Variants in GNA11 observed in about 807,000 individuals in gnomAD.
The protein encoded by GNA11 is G protein subunit alpha 11, also known as guanine nucleotide-binding protein subunit alpha-11.
Under a neutral mutation model 38.2 loss-of-function variants are expected in GNA11, and 8 were observed. That is an observed-to-expected ratio of 0.21 (90% confidence interval 0.12 to 0.38). The LOEUF (loss-of-function observed/expected upper bound fraction) is 0.38, where lower values mean the gene tolerates loss of function less well. Among genes scored for constraint, GNA11 ranks in the 10% least tolerant of loss-of-function variants. The pLI is 1.00. For missense variants in GNA11, 268 were observed against 516.3 expected (o/e 0.52, Z 4.66); for synonymous variants, 211 against 221.4 (o/e 0.95, Z 0.42).
At chr19:3,106,905 G>A (rs545741942) in intron 1 of GNA11, among the ~76,000 whole-genome samples, 108 of 152,362 alleles carry the variant, frequency 7.1e-4, no homozygotes, top group African/African-American at 2.5e-3. Context: ...GGTCCTTGGC[G>A]AGCCAGGGCT....
intron 2 of GNA11, among the ~76,000 whole-genome samples, chr19:3,111,065 A>G (rs993096050): frequency 6.6e-6 from 1 of 150,796 alleles, no homozygotes; most frequent in African/African-American, 2.4e-5. Context: ...AAGTGCTGGG[A>G]TTACAGGTAT....
chr19:3,100,709 G>A (rs1350778098), intron 1 of GNA11, among the ~76,000 whole-genome samples: 2 of 152,148 alleles, frequency 1.3e-5, no homozygotes, highest in African/African-American at 4.8e-5. Flanking sequence ...GGCTGCCCTG[G>A]GCTGGCCAGC....
At chr19:3,114,014 C>T (rs900038701) in intron 3 of GNA11, among the ~76,000 whole-genome samples, 45 of 152,250 alleles carry the variant, frequency 3.0e-4, no homozygotes, top group Admixed American at 2.0e-3. Flanking sequence ...CAGGTGGAGG[C>T]CCCCGCGTGG....
At chr19:3,115,847 A>G (rs1599305597) in intron 4 of GNA11, among the ~76,000 whole-genome samples, 1 of 19,200 alleles carries the variant, frequency 5.2e-5, no homozygotes, top group Non-Finnish European at 9.7e-5. Context: ...CTGAGTGGGG[A>G]GGAGGGGTCA....
rs1057326430 is a variant in GNA11, at chr19:3,118,830, T to C, written c.606-94T>C. The C allele has an allele frequency of 2.7e-6, 3 of 1,117,130 alleles. No homozygotes were observed. The African/African-American group carries it at 4.6e-5, about 17-fold the overall frequency. 69.2% of individuals were successfully genotyped at this position (1,117,130 alleles called of 1,614,324 possible). A position where few individuals can be genotyped will look rare whatever the true frequency, so the allele number is the denominator to read the frequency against. ...CCTGCTCCAGCCGATGTCAGTCTGG[T>C]GTGGCAGGAGGGGCTTGGGTGGGAG... On this transcript the variant is annotated intron_variant, in intron 4 of 6. Transcript: ENST00000078429.
chr19:3,106,212 GT>G (rs1345916427), intron 1 of GNA11, among the ~76,000 whole-genome samples: 1 of 152,164 alleles, frequency 6.6e-6, no homozygotes, highest in Non-Finnish European at 1.5e-5. Flanking sequence ...GGCCCTGGAT[GT>G]TGAGCCCCAG....
chr19:3,099,943 CA>C (rs1356993983), intron 1 of GNA11, among the ~76,000 whole-genome samples: 3 of 152,110 alleles, frequency 2.0e-5, no homozygotes, highest in Non-Finnish European at 4.4e-5. Flanking sequence ...TCAGTTTCCT[CA>C]GGGGGCGGTG....
chr19:3,095,402 G>C (rs945275186), intron 1 of GNA11, among the ~76,000 whole-genome samples: 1 of 151,870 alleles, frequency 6.6e-6, no homozygotes, highest in African/African-American at 2.4e-5. Context: ...CCAGACCTTT[G>C]GGCTGTAACC....
At chr19:3,112,913 G>A (rs980306614) in intron 2 of GNA11, among the ~76,000 whole-genome samples, 20 of 152,242 alleles carry the variant, frequency 1.3e-4, no homozygotes, top group African/African-American at 3.4e-4. Flanking sequence ...TGGAGAATTC[G>A]AGGCAGCGAG....
chr19:3,101,781 G>A (rs1031464261), intron 1 of GNA11, among the ~76,000 whole-genome samples: 5 of 152,188 alleles, frequency 3.3e-5, no homozygotes, highest in African/African-American at 1.2e-4. Context: ...GACCCAGCAC[G>A]TGAGGAGACG....
intron 4 of GNA11, chr19:3,117,855 GAGGCTCCTGCTCCCTC>G (rs1913964263): frequency 6.6e-6 from 1 of 152,326 alleles, no homozygotes; most frequent in African/African-American, 2.4e-5. Context: ...TGCGTGAGGA[GAGGCTCCTGCTCCCTC>G]AGGTGGGGAC....
At chr19:3,106,522 G>C (rs1394711159) in intron 1 of GNA11, among the ~76,000 whole-genome samples, 1 of 152,224 alleles carries the variant, frequency 6.6e-6, no homozygotes, top group Non-Finnish European at 1.5e-5. Context: ...ACCTGGGCCT[G>C]GCTTGGCTTC....
Position 3,120,949 on chromosome 19 carries a change from G to C in GNA11, c.890-40G>C. 9.2e-6 allele frequency: 14 copies of C among 1,528,290 alleles called. No homozygotes were observed. Among genetic ancestry groups the C allele is most frequent in the Non-Finnish European group, 1.3e-5 (14 of 1,112,550 alleles). The allele number at this position is 1,528,290 out of a possible 1,614,324, so 94.7% of individuals were successfully genotyped here. A position where few individuals can be genotyped will look rare whatever the true frequency, so the allele number is the denominator to read the frequency against. ...GGGGCCCACGAGTCCCTTGCCCTGG[G>C]CCGGGCTGGGGCACAGCCTCACCCT... is the stretch of plus-strand genomic sequence containing the variant. On this transcript the variant is annotated intron_variant, in intron 6 of 6. Coordinates refer to ENST00000078429, the MANE Select transcript of GNA11 (RefSeq NM_002067.5). The surrounding 1 kb of genome is among the most constrained non-coding windows in gnomAD (Gnocchi z 5.9).
intron 1 of GNA11, among the ~76,000 whole-genome samples, chr19:3,101,348 G>A (rs1913501971): frequency 6.6e-6 from 1 of 152,160 alleles, no homozygotes; most frequent in South Asian, 2.1e-4. Flanking sequence ...ACTGTGGGAT[G>A]AGTGCAGCCC....
rs201668624 is a variant in GNA11 at position 3,115,037 on chromosome 19, C to A, written c.570C>A (p.Ile190=). 1.2e-6 allele frequency: 2 copies of A among 1,613,398 alleles called. No individual in the cohort carries two copies. Among genetic ancestry groups the A allele is most frequent in the South Asian group, 1.1e-5 (1 of 91,082 alleles). ...LRVRVPTTGI[I]EYPFDLENII... ...TCCGCGTGCCCACCACCGGCATCAT[C>A]GAGTACCCTTTCGACCTGGAGAACA... The change falls in exon 4 of 7, where the codon ATC becomes ATA. Residue 190 remains isoleucine (I), a synonymous_variant. Transcript: ENST00000078429.
At chr19:3,104,210 C>A (rs918267615) in intron 1 of GNA11, among the ~76,000 whole-genome samples, 3 of 152,264 alleles carry the variant, frequency 2.0e-5, no homozygotes, top group Non-Finnish European at 2.9e-5. Context: ...TTCCGTTTTC[C>A]TTTCCCACCG....
At chr19:3,117,047 T>C (rs1310729628) in intron 4 of GNA11, 1 of 152,300 alleles carries the variant, frequency 6.6e-6, no homozygotes, top group Non-Finnish European at 1.5e-5. Context: ...AATGCCAAGC[T>C]CTGGGATGGT....
At position 3,114,863 on chromosome 19, in the gene GNA11, TCCC is replaced by T. The variant is rs200414307; in HGVS notation, c.477-80_477-78del. On this transcript the variant is annotated intron_variant, in intron 3 of 6. Coordinates refer to ENST00000078429, the MANE Select transcript of GNA11 (RefSeq NM_002067.5). ...ACCCCCTCCTGGTGGCTTTCCGTCC[TCCC>T]GCTGGTTTGGGTGCTGTGTCCCTGT... is the stretch of plus-strand genomic sequence containing the variant. The T allele has an allele frequency of 2.0e-3, 2,853 of 1,400,024 alleles. 45 individuals carry two copies. The African/African-American group carries it at 0.036, about 18-fold the overall frequency. 86.7% of individuals were successfully genotyped at this position (1,400,024 alleles called of 1,614,324 possible). A position where few individuals can be genotyped will look rare whatever the true frequency, so the allele number is the denominator to read the frequency against.
intron 2 of GNA11, 118 bp from the exon 3 acceptor site, chr19:3,113,212 C>G (rs1426125006): frequency 1.1e-6 from 1 of 918,486 alleles, no homozygotes; most frequent in Admixed American, 1.9e-5. Flanking sequence ...GTCCTGACTG[C>G]ACAGCCTGCG....
Sources: gnomAD v4.1 joint callset for allele counts (sites outside exome capture counted in the v4.1 genomes callset) on GRCh38, gnomAD v4.1.1 for gene constraint, Gnocchi (gnomAD v3.1) non-coding constraint, MANE v1.5 for transcripts, NCBI Gene and HGNC (gene_info 2026-07-23, HGNC 2026-07-21) for gene names.